Variants in CYTH1 observed in about 807,000 individuals in gnomAD.
CYTH1 encodes cytohesin-1.
A neutral mutation model predicts 61.8 loss-of-function variants in CYTH1; 18 were observed. The observed-to-expected ratio is 0.29, with a 90% CI of 0.20 to 0.43. The LOEUF (loss-of-function observed/expected upper bound fraction) is 0.43, where lower values mean the gene tolerates loss of function less well. CYTH1 is among the 20% of genes least tolerant of loss of function. The probability of loss-of-function intolerance (pLI) is 1.00; values close to 1 mark genes in which losing one functional copy is unlikely to be tolerated. For missense variants in CYTH1, 336 were observed against 510.5 expected, an observed-to-expected ratio of 0.66 and a Z score of 3.29; for synonymous variants, 174 against 184.3, an observed-to-expected ratio of 0.94 and a Z score of 0.45.
At chr17:78,696,152 G>GA (rs1473879854) in intron 9 of CYTH1, 143 bp from the exon 10 acceptor site, 3 of 1,216,888 alleles carry the variant, frequency 2.5e-6, no homozygotes, top group Non-Finnish European at 3.2e-6. Context: ...CCTGCCTGGG[G>GA]AGAGAGCTGA....
chr17:78,771,810 C>A (rs2093472552), intron 1 of CYTH1, among the ~76,000 whole-genome samples: 1 of 151,166 alleles, frequency 6.6e-6, no homozygotes, highest in South Asian at 2.1e-4. Flanking sequence ...CTGGCCCTTA[C>A]TATAAAATTC....
In CYTH1 at chr17:78,750,791, G is replaced by C. The variant is rs77495537; in HGVS notation, c.22+31411C>G. ...CGCTCCAGACTGGGCGAGAGAGCGA[G>C]ACTCCATCTCAAAAAAAAAAAAAAC... On this transcript the variant is annotated intron_variant, in intron 1 of 13. Transcript: ENST00000446868. Among the ~76,000 whole-genome samples, 624 of 135,374 alleles carry C rather than the reference G, an allele frequency of 4.6e-3. 7 individuals carry two copies. Among genetic ancestry groups the C allele is most frequent in the African/African-American group, 0.015 (585 of 37,926 alleles). The allele number at this position is 135,374 out of a possible 152,430, so 88.8% of individuals were successfully genotyped here.
chr17:78,686,504 G>A lies in CYTH1; in HGVS notation c.892-5462C>T, dbSNP rs375358861. Among the ~76,000 whole-genome samples, 28 of 152,188 alleles carry A rather than the reference G, an allele frequency of 1.8e-4. No individual in the cohort carries two copies. In the East Asian group the frequency reaches 5.2e-3, roughly 28 times the overall value. On this transcript the variant is annotated intron_variant, in intron 11 of 13. Coordinates refer to ENST00000446868, the MANE Select transcript of CYTH1 (RefSeq NM_004762.6). ...CCACTTACCCTGACCTGTGGTGGGC[G>A]GCCAGGTGTTCTGCATTCTAGCATA...
intron 3 of CYTH1, among the ~76,000 whole-genome samples, chr17:78,704,766 C>T (rs1183617963): frequency 6.6e-6 from 1 of 152,196 alleles, no homozygotes; most frequent in African/African-American, 2.4e-5. Context: ...AAGCAATCCT[C>T]CTACCTTGGC....
At chr17:78,704,221 A>G (rs1231739575) in intron 3 of CYTH1, among the ~76,000 whole-genome samples, 3 of 152,196 alleles carry the variant, frequency 2.0e-5, no homozygotes, top group Non-Finnish European at 2.9e-5. Flanking sequence ...TATGTTTAAC[A>G]TGATCCCATG....
intron 11 of CYTH1, among the ~76,000 whole-genome samples, chr17:78,689,832 A>G (rs2092859362): frequency 6.6e-6 from 1 of 152,090 alleles, no homozygotes; most frequent in African/African-American, 2.4e-5. Flanking sequence ...GGAGGAAAAA[A>G]TAACAAGTCC....
At chr17:78,699,094 C>T in intron 7 of CYTH1, 126 bp from the exon 8 acceptor site, 1 of 1,154,378 alleles carries the variant, frequency 8.7e-7, no homozygotes, top group Non-Finnish European at 1.2e-6. Flanking sequence ...CGGCCAGATG[C>T]AGTGGCTTAC....
chr17:78,762,509 G>A (rs11867667), intron 1 of CYTH1, among the ~76,000 whole-genome samples: 2 of 152,192 alleles, frequency 1.3e-5, no homozygotes, highest in Non-Finnish European at 2.9e-5. Context: ...TAGATGTATA[G>A]ATGTAGTCGG....
At chr17:78,691,786 C>A (rs890180311) in intron 11 of CYTH1, 1 of 152,178 alleles carries the variant, frequency 6.6e-6, no homozygotes, top group African/African-American at 2.4e-5. Context: ...CTGAAAAGAG[C>A]TAATTTATGA....
At position 78,676,044 on chromosome 17, in the gene CYTH1, A is replaced by G. The variant is rs927924099; in HGVS notation, c.*47T>C. On this transcript the variant is annotated 3_prime_UTR_variant, in exon 14 of 14. Coordinates refer to ENST00000446868, the MANE Select transcript of CYTH1 (RefSeq NM_004762.6). ...TGCATCCATGGAGGTGCGGGAGAAG[A>G]GCAGGAGCTCCAAGGCCCCCGCAGA... The G allele has an allele frequency of 6.4e-7, 1 of 1,571,922 alleles. No homozygotes were observed. Among genetic ancestry groups the G allele is most frequent in the Non-Finnish European group, 8.6e-7 (1 of 1,157,678 alleles).
chr17:78,732,720 G>A (rs2093300928), intron 1 of CYTH1, among the ~76,000 whole-genome samples: 1 of 152,158 alleles, frequency 6.6e-6, no homozygotes, highest in Non-Finnish European at 1.5e-5. Context: ...CAGCACCTCA[G>A]GTCTTCCTGC....
chr17:78,757,775 A>C (rs1456168706), intron 1 of CYTH1, among the ~76,000 whole-genome samples: 2 of 151,882 alleles, frequency 1.3e-5, no homozygotes, highest in Non-Finnish European at 2.9e-5. Context: ...TACTAAAAAT[A>C]CAAAAAAAAT....
rs992633323 is a variant in CYTH1, at chr17:78,680,872, A to C, written c.963+99T>G. The stretch of plus-strand genomic sequence containing the variant: ...AAAAATTAGACTAAATAAAAGCCTG[A>C]TCACGCTTTTCAGTTTTTTGGTTTT... On this transcript the variant is annotated intron_variant, in intron 12 of 13. Transcript: ENST00000446868. 3.6e-5 allele frequency: 42 copies of C among 1,170,162 alleles called. No homozygotes were observed. The African/African-American group carries it at 6.3e-4, about 18-fold the overall frequency. The allele number at this position is 1,170,162 out of a possible 1,614,324, so 72.5% of individuals were successfully genotyped here.
At chr17:78,759,655 C>T (rs184791956) in intron 1 of CYTH1, among the ~76,000 whole-genome samples, 2 of 152,246 alleles carry the variant, frequency 1.3e-5, no homozygotes, top group Admixed American at 6.5e-5. Flanking sequence ...AGTTCAAAAC[C>T]CTCCAAGCGG....
Position 78,680,229 on chromosome 17 carries a change from G to T in CYTH1, c.1079C>A (p.Pro360Gln), listed in dbSNP as rs764088076. Residue 360 changes from proline to glutamine, a missense_variant, in exon 13 of 14, where the codon CCG becomes CAG. Pro to Gln is a moderately conservative substitution (Grantham distance 76). Transcript: ENST00000446868. ...GNHTVYRISAPTPEEKEEWIK... is the reference protein window; with the variant it reads ...GNHTVYRISAQTPEEKEEWIK... Reference sequence around the variant, plus strand: ...CCACTCCTCCTTCTCCTCGGGCGTCGGAGCTGAGATCCGGTAAACAGTGTG... The same window carrying T: ...CCACTCCTCCTTCTCCTCGGGCGTCTGAGCTGAGATCCGGTAAACAGTGTG... 6.2e-6 allele frequency: 10 copies of T among 1,614,146 alleles called. No homozygotes were observed. The highest frequency in any genetic ancestry group is 8.5e-6 in the Non-Finnish European group (10 of 1,180,014).
In CYTH1 at chr17:78,695,964, C is replaced by T. The variant is rs1466217401; in HGVS notation, c.814+43G>A. 2.9e-6 allele frequency: 4 copies of T among 1,366,950 alleles called. No homozygotes were observed. The Admixed American group carries it at 7.6e-5, about 26-fold the overall frequency. The allele number at this position is 1,366,950 out of a possible 1,614,324, so 84.7% of individuals were successfully genotyped here. A position where few individuals can be genotyped will look rare whatever the true frequency, so the allele number is the denominator to read the frequency against. On this transcript the variant is annotated intron_variant, in intron 10 of 13. Coordinates refer to ENST00000446868, the MANE Select transcript of CYTH1 (RefSeq NM_004762.6). ...AAATCAGAAAATGCTGCAGTAATGA[C>T]AGTGGCCTAGCAGAGCGAGCGAGCA...
chr17:78,692,673 A>T (rs1257066030), intron 10 of CYTH1, among the ~76,000 whole-genome samples, 180 bp from the exon 11 acceptor site: 1 of 151,880 alleles, frequency 6.6e-6, no homozygotes, highest in Non-Finnish European at 1.5e-5. Context: ...CGTCTTTCAC[A>T]AAGTGAAAGC....
chr17:78,738,777 T>C (rs868533341), intron 1 of CYTH1, among the ~76,000 whole-genome samples: 1 of 152,198 alleles, frequency 6.6e-6, no homozygotes, highest in South Asian at 2.1e-4. Flanking sequence ...ATTTCTATCT[T>C]CTGGTATCAG....
chr17:78,755,767 T>C (rs922468064), intron 1 of CYTH1, among the ~76,000 whole-genome samples: 1 of 151,700 alleles, frequency 6.6e-6, no homozygotes, highest in East Asian at 1.9e-4. Context: ...AACAATTAGC[T>C]GGGCATGGTG....
Sources: allele counts gnomAD v4.1 joint callset (sites outside exome capture counted in the v4.1 genomes callset), GRCh38; gene constraint gnomAD v4.1.1; transcripts MANE v1.5; gene names NCBI Gene and HGNC (gene_info 2026-07-23, HGNC 2026-07-21).